ZNF503: variants seen among roughly 807,000 people sequenced by gnomAD.
ZNF503 encodes zinc finger protein 503.
A neutral mutation model predicts 34.4 loss-of-function variants in ZNF503; 15 were observed. The ratio of observed to expected loss-of-function variants is 0.44; its 90% confidence interval spans 0.29 to 0.67. The LOEUF (loss-of-function observed/expected upper bound fraction) is 0.67. Among genes scored for constraint, ZNF503 ranks in the 30% least tolerant of loss-of-function variants. The pLI is 0.13. For missense variants in ZNF503, 1,007 were observed against 926.8 expected (o/e 1.09, Z -1.12); for synonymous variants, 580 against 456.8 (o/e 1.27, Z -3.44).
At chr10:75,300,597 T>A in the ZNF503 span, among the ~76,000 whole-genome samples, 83 of 152,138 alleles carry the variant, frequency 5.5e-4, no homozygotes, top group Non-Finnish European at 1.0e-3. Flanking sequence ...CTAATAAATG[T>A]CCATGAAATC....
At chr10:75,382,000 G>A in the ZNF503 span, among the ~76,000 whole-genome samples, 1 of 151,598 alleles carries the variant, frequency 6.6e-6, no homozygotes, top group Admixed American at 6.6e-5. Flanking sequence ...GGTAGAGACA[G>A]GGTTTTACCA....
the ZNF503 span, among the ~76,000 whole-genome samples, chr10:75,341,033 T>A: frequency 6.6e-6 from 1 of 152,250 alleles, no homozygotes; most frequent in African/African-American, 2.4e-5. Flanking sequence ...CATTATTTCA[T>A]TAAAGGTGAC....
chr10:75,329,419 C>CT, the ZNF503 span, among the ~76,000 whole-genome samples: 3,305 of 70,676 alleles, frequency 0.047, 64 homozygotes, highest in Middle Eastern at 0.068. Flanking sequence ...CCTTCCTTTC[C>CT]TTCCTTCCTT....
At chr10:75,288,811 A>G in the ZNF503 span, 2 of 152,234 alleles carry the variant, frequency 1.3e-5, no homozygotes, top group African/African-American at 4.8e-5. Context: ...TCATAGAACA[A>G]AAAGTATTTT....
the ZNF503 span, among the ~76,000 whole-genome samples, chr10:75,333,562 C>T: frequency 1.8e-4 from 15 of 83,072 alleles, no homozygotes; most frequent in East Asian, 3.8e-4. Context: ...ACCTCCCGGA[C>T]GGGGCAGCTG....
rs373358017 is a variant in ZNF503, at chr10:75,401,296, C to T, written c.124G>A (p.Gly42Ser). 1.9e-6 allele frequency: 3 copies of T among 1,564,018 alleles called. No individual in the cohort carries two copies. The highest frequency in any genetic ancestry group is 2.7e-5 in the African/African-American group (2 of 73,730). ...GCCGGGGACGAGCCTGGGCCGGGGC[C>T]GGAGCTATTTCCAGAGAGCGCGCTG... ...WTSALSGNSS[G>S]PGPGSSPAGS... Residue 42 changes from glycine (G) to serine (S), a missense_variant, in exon 1 of 2, where the codon GGC becomes AGC. By Grantham distance (56) the Gly-to-Ser change is moderately conservative (BLOSUM62 0). Transcript: ENST00000372524.
chr10:75,384,234 T>C, the ZNF503 span, among the ~76,000 whole-genome samples: 1 of 151,946 alleles, frequency 6.6e-6, no homozygotes. Context: ...TCCCTCCTGG[T>C]GATGGTGCAG....
the ZNF503 span, among the ~76,000 whole-genome samples, chr10:75,383,586 C>T: frequency 6.3e-4 from 96 of 152,356 alleles, no homozygotes; most frequent in African/African-American, 2.2e-3. Flanking sequence ...CACTTTGTGA[C>T]TCAGCCGCTC....
chr10:75,335,636 A>G, the ZNF503 span, among the ~76,000 whole-genome samples: 2 of 152,178 alleles, frequency 1.3e-5, no homozygotes, highest in African/African-American at 2.4e-5. Flanking sequence ...TTATCCCAAC[A>G]TGAGCATTTC....
Position 75,399,726 on chromosome 10 carries a change from C to T in ZNF503, c.964G>A (p.Gly322Ser), listed in dbSNP as rs1843756978. The stretch of plus-strand genomic sequence containing the variant: ...GAGGAGGAGGTGGGCGCGCTGGGGC[C>T]GGAGCCGGAGCTGGAGCCCGATGAA... The part of the protein sequence containing the change: ...GGSSGSSSGS[G>S]PSAPTSSSVL... The change falls in exon 2 of 2, where the codon GGC becomes AGC. Residue 322 changes from glycine to serine, a missense_variant. By Grantham distance (56) the Gly-to-Ser change is moderately conservative. Transcript: ENST00000372524. 5 of 1,595,568 alleles carry T rather than the reference C, an allele frequency of 3.1e-6. No individual in the cohort carries two copies. The highest frequency in any genetic ancestry group is 2.2e-5 in the East Asian group (1 of 44,610).
chr10:75,286,981 C>T, the ZNF503 span, among the ~76,000 whole-genome samples: 11 of 152,282 alleles, frequency 7.2e-5, no homozygotes, highest in African/African-American at 2.4e-4. Flanking sequence ...ATCCTGGTGT[C>T]TCATGTGCCC....
At chr10:75,309,777 CCTATGT>C in the ZNF503 span, among the ~76,000 whole-genome samples, 959 of 152,140 alleles carry the variant, frequency 6.3e-3, 39 homozygotes, top group Admixed American at 0.06. Flanking sequence ...TATTTTGTTG[CCTATGT>C]CTTTGGTGTC....
chr10:75,336,464 G>T, the ZNF503 span, among the ~76,000 whole-genome samples: 3 of 151,358 alleles, frequency 2.0e-5, no homozygotes, highest in African/African-American at 7.3e-5. Context: ...TGCCTTAGAA[G>T]TGAGGCACAT....
the ZNF503 span, among the ~76,000 whole-genome samples, chr10:75,390,043 C>A: frequency 1.3e-5 from 2 of 152,034 alleles, no homozygotes; most frequent in African/African-American, 2.4e-5. Flanking sequence ...CAGGCACCCC[C>A]CCACCACGCC....
the ZNF503 span, among the ~76,000 whole-genome samples, chr10:75,388,970 G>A: frequency 3.7e-3 from 563 of 152,144 alleles, 4 homozygotes; most frequent in African/African-American, 0.013. Flanking sequence ...TGTAAAGAGG[G>A]GCCACAGCTT....
the ZNF503 span, among the ~76,000 whole-genome samples, chr10:75,292,791 A>G: frequency 1.3e-5 from 2 of 152,316 alleles, no homozygotes; most frequent in Non-Finnish European, 2.9e-5. Flanking sequence ...AGGAGGAGAA[A>G]CAGAAGCTAA....
At chr10:75,329,499 CTG>C in the ZNF503 span, among the ~76,000 whole-genome samples, 1 of 147,688 alleles carries the variant, frequency 6.8e-6, no homozygotes, top group East Asian at 2.0e-4. Context: ...GAGTTTAGCT[CTG>C]TTGCCCAGGC....
the ZNF503 span, among the ~76,000 whole-genome samples, chr10:75,307,810 G>A: frequency 6.6e-6 from 1 of 152,192 alleles, no homozygotes; most frequent in Non-Finnish European, 1.5e-5. Flanking sequence ...AGGCATGGTG[G>A]GACCATGCCT....
chr10:75,400,992 G>A, intron 1 of ZNF503, 113 bp downstream of exon 1: 3 of 1,459,056 alleles, frequency 2.1e-6, no homozygotes, highest in Non-Finnish European at 2.8e-6. Flanking sequence ...TCCCCCATTC[G>A]GGAGCTGAAT....
Sources: gnomAD v4.1 joint callset for allele counts (sites outside exome capture counted in the v4.1 genomes callset) on GRCh38, gnomAD v4.1.1 for gene constraint, MANE v1.5 for transcripts, NCBI Gene and HGNC (gene_info 2026-07-23, HGNC 2026-07-21) for gene names.